The following GPR176 variants were observed in gnomAD, a reference collection of about 807,000 sequenced individuals.
The protein encoded by GPR176 is G protein-coupled receptor 176.
In GPR176, 26 loss-of-function variants were observed where a neutral mutation model predicts 35.4. That is an observed-to-expected ratio of 0.74 (90% CI 0.54 to 1.02). The LOEUF (loss-of-function observed/expected upper bound fraction) is 1.02. GPR176 is among the 50% of genes least tolerant of loss of function. GPR176 has a pLI of 0.00. For missense variants in GPR176, 597 were observed against 665.3 expected (o/e 0.90, Z 1.13); for synonymous variants, 278 against 271.3 (o/e 1.02, Z -0.24).
At chr15:39,863,852 G>A (rs1469118077) in intron 1 of GPR176, among the ~76,000 whole-genome samples, 1 of 152,168 alleles carries the variant, frequency 6.6e-6, no homozygotes, top group Admixed American at 6.5e-5. Context: ...ACTCTATGGT[G>A]TTAACACAGT....
intron 2 of GPR176, 107 bp from the exon 3 acceptor site, chr15:39,802,361 T>C: frequency 1.1e-6 from 1 of 919,882 alleles, no homozygotes; most frequent in South Asian, 1.8e-5. Flanking sequence ...AGTTCTTCTA[T>C]TCGGCCTAAG....
At chr15:39,908,550 C>CTTTTTTTTTTT (rs199790696) in intron 1 of GPR176, among the ~76,000 whole-genome samples, 1 of 144,070 alleles carries the variant, frequency 6.9e-6, no homozygotes. Context: ...AGGAGATTTT[C>CTTTTTTTTTTT]TTTTTTTTTT....
chr15:39,800,048 C>G lies in GPR176; in HGVS notation c.*1084G>C, dbSNP rs1250329846. On this transcript the variant is annotated 3_prime_UTR_variant, in exon 3 of 3. Transcript: ENST00000561100. ...GGCCACACCTGAGTTCCGGAGTCTT[C>G]CTCGGAAGGAAACCATCTTTGTCAG... 1 of 152,232 alleles carries G rather than the reference C, an allele frequency of 6.6e-6. No homozygotes were observed. Among genetic ancestry groups the G allele is most frequent in the East Asian group, 1.9e-4 (1 of 5,198 alleles). 9.4% of individuals were successfully genotyped at this position (152,232 alleles called of 1,614,324 possible).
chr15:39,814,221 G>A (rs1418020026), intron 1 of GPR176, among the ~76,000 whole-genome samples: 1 of 151,852 alleles, frequency 6.6e-6, no homozygotes, highest in East Asian at 1.9e-4. Context: ...CTCTTTTTCT[G>A]GATTTCTTAT....
chr15:39,903,860 C>T (rs1001296505), intron 1 of GPR176, among the ~76,000 whole-genome samples: 3 of 152,008 alleles, frequency 2.0e-5, no homozygotes, highest in South Asian at 2.1e-4. Flanking sequence ...GAATTCAGGA[C>T]GAATCCCATA....
intron 1 of GPR176, among the ~76,000 whole-genome samples, chr15:39,910,708 G>A (rs1446853237): frequency 6.6e-6 from 1 of 152,028 alleles, no homozygotes; most frequent in African/African-American, 2.4e-5. Context: ...TTGAGGAGAG[G>A]AATAGGGGAG....
At chr15:39,885,952 G>A (rs927764276) in intron 1 of GPR176, among the ~76,000 whole-genome samples, 6 of 152,182 alleles carry the variant, frequency 3.9e-5, no homozygotes, top group Non-Finnish European at 8.8e-5. Flanking sequence ...GGGAATATTA[G>A]GCCAGGCACA....
intron 1 of GPR176, among the ~76,000 whole-genome samples, chr15:39,861,273 C>T (rs989850692): frequency 1.7e-4 from 26 of 152,032 alleles, no homozygotes; most frequent in East Asian, 1.9e-4. Context: ...TAGTTTAGCC[C>T]GGGCATGGTG....
intron 1 of GPR176, among the ~76,000 whole-genome samples, chr15:39,812,032 G>T (rs1166777): frequency 0.54 from 82,295 of 151,978 alleles, 22,936 homozygotes; most frequent in African/African-American, 0.66. Context: ...ACTGTTGGCT[G>T]ATTATTTATA....
chr15:39,842,382 C>T lies in GPR176; in HGVS notation c.173-35124G>A, dbSNP rs117714483. 8.6e-3 allele frequency among the ~76,000 whole-genome samples: 1,316 copies of T among 152,168 alleles called. 12 individuals carry two copies. Among genetic ancestry groups the T allele is most frequent in the South Asian group, 0.014 (67 of 4,816 alleles). On this transcript the variant is annotated intron_variant, in intron 1 of 2. Coordinates refer to ENST00000561100, the MANE Select transcript of GPR176 (RefSeq NM_007223.3). Reference sequence around the variant, plus strand: ...CAGCATTAGGCGGATGGTGCTAAACCATTAGAAACCACCCCATGATCCAAT... The same window carrying T: ...CAGCATTAGGCGGATGGTGCTAAACTATTAGAAACCACCCCATGATCCAAT...
At chr15:39,893,285 A>G (rs997367446) in intron 1 of GPR176, among the ~76,000 whole-genome samples, 2 of 151,938 alleles carry the variant, frequency 1.3e-5, no homozygotes, top group Non-Finnish European at 2.9e-5. Context: ...GGTACTTGAG[A>G]TTAGGGAGTG....
intron 2 of GPR176, 104 bp from the exon 3 acceptor site, chr15:39,802,358 C>T: frequency 1.1e-6 from 1 of 925,046 alleles, no homozygotes; most frequent in Non-Finnish European, 1.6e-6. Flanking sequence ...TCAAGTTCTT[C>T]TATTCGGCCT....
intron 1 of GPR176, among the ~76,000 whole-genome samples, chr15:39,849,436 A>G (rs962827715): frequency 4.6e-5 from 7 of 152,176 alleles, no homozygotes; most frequent in African/African-American, 1.7e-4. Context: ...CATTTTATTA[A>G]GCTAGTATAA....
intron 1 of GPR176, among the ~76,000 whole-genome samples, chr15:39,876,984 CAACT>C (rs2032273957): frequency 6.6e-6 from 1 of 152,182 alleles, no homozygotes; most frequent in African/African-American, 2.4e-5. Flanking sequence ...GTTACTTCTT[CAACT>C]CACAAATAGA....
intron 1 of GPR176, among the ~76,000 whole-genome samples, chr15:39,878,388 G>A (rs1595501404): frequency 6.6e-6 from 1 of 150,810 alleles, no homozygotes; most frequent in Non-Finnish European, 1.5e-5. Flanking sequence ...TTTGTGGCTG[G>A]CTTATTATAC....
At chr15:39,818,712 C>T in intron 1 of GPR176, among the ~76,000 whole-genome samples, 1 of 152,222 alleles carries the variant, frequency 6.6e-6, no homozygotes, top group East Asian at 1.9e-4. Flanking sequence ...TCTGCCCCAT[C>T]CTTGGGGCTC....
intron 1 of GPR176, among the ~76,000 whole-genome samples, chr15:39,906,717 A>G (rs1215904764): frequency 1.3e-5 from 2 of 152,214 alleles, no homozygotes; most frequent in Non-Finnish European, 2.9e-5. Flanking sequence ...TTCACTGGGC[A>G]TGGCCATGTG....
intron 1 of GPR176, among the ~76,000 whole-genome samples, chr15:39,837,929 G>C (rs1242743220): frequency 6.7e-6 from 1 of 148,618 alleles, no homozygotes; most frequent in Non-Finnish European, 1.5e-5. Flanking sequence ...GAGGGAGGAG[G>C]ATAGTTTGAG....
chr15:39,802,176 G>C lies in GPR176; in HGVS notation c.504C>G (p.Ala168=), dbSNP rs1898925453. The part of the protein sequence containing the change: ...KSRELVMYIW[A]HAVVASVPVF... ...CAGGGACACTGGCCACCACTGCATGGGCCCAGATGTACATCACCAGTTCAC... is the reference window on the plus strand; with the variant it reads ...CAGGGACACTGGCCACCACTGCATGCGCCCAGATGTACATCACCAGTTCAC... The change falls in exon 3 of 3, where the codon GCC becomes GCG. Residue 168 remains alanine, a synonymous_variant. Coordinates refer to ENST00000561100, the MANE Select transcript of GPR176 (RefSeq NM_007223.3). 2 of 1,613,900 alleles carry C rather than the reference G, an allele frequency of 1.2e-6. No homozygotes were observed. The highest frequency in any genetic ancestry group is 2.7e-5 in the African/African-American group (2 of 74,898).
Sources: gnomAD v4.1 joint callset for allele counts (sites outside exome capture counted in the v4.1 genomes callset) on GRCh38, gnomAD v4.1.1 for gene constraint, MANE v1.5 for transcripts, NCBI Gene and HGNC (gene_info 2026-07-23, HGNC 2026-07-21) for gene names.